Variants in CSF1 observed in about 807,000 individuals in gnomAD.
CSF1 encodes the protein colony stimulating factor 1, also known as macrophage colony-stimulating factor 1.
Under a neutral mutation model 48.9 loss-of-function variants are expected in CSF1, and 9 were observed. The ratio of observed to expected loss-of-function variants is 0.18; its 90% CI spans 0.11 to 0.32. CSF1 has a LOEUF of 0.32. CSF1 is among the 10% of genes least tolerant of loss of function. The pLI is 1.00. For missense variants in CSF1, 672 were observed against 697.9 expected, an observed-to-expected ratio of 0.96 and a Z score of 0.42; for synonymous variants, 305 against 284.1, an observed-to-expected ratio of 1.07 and a Z score of -0.74.
upstream of CSF1, chr1:109,910,682 G>A (rs1654636623): frequency 3.0e-6 from 1 of 334,958 alleles, no homozygotes; most frequent in African/African-American, 2.2e-5. Flanking sequence ...GGGTGGGGGA[G>A]GGGAGGCGGG....
chr1:109,916,615 T>C (rs1007071288), intron 3 of CSF1, among the ~76,000 whole-genome samples: 9 of 152,346 alleles, frequency 5.9e-5, no homozygotes, highest in Admixed American at 5.2e-4. Flanking sequence ...ACTGCCTTGA[T>C]ACCCAGAAGT....
chr1:109,921,300 G>A (rs1647525421), intron 4 of CSF1, among the ~76,000 whole-genome samples: 2 of 152,208 alleles, frequency 1.3e-5, no homozygotes, highest in South Asian at 4.1e-4. Flanking sequence ...AGCCACACCA[G>A]CCTTCTTTTA....
At position 109,924,000 on chromosome 1, in the gene CSF1, C is replaced by A; in HGVS notation, c.1379C>A (p.Ala460Glu). Residue 460 changes from alanine to glutamate, a missense_variant, in exon 6 of 9, where the codon GCA becomes GAA. Physicochemically the swap from Ala to Glu is moderately radical, Grantham distance 107. Coordinates refer to ENST00000329608, the MANE Select transcript of CSF1 (RefSeq NM_000757.6). Reference sequence around the variant, plus strand: ...CCCGCAGAGCCAGAAGGAGGACCAGCAAGTGAAGGGGCAGCCAGGCCCCTG... The same window carrying A: ...CCCGCAGAGCCAGAAGGAGGACCAGAAAGTGAAGGGGCAGCCAGGCCCCTG... ...RSPAEPEGGP[A>E]SEGAARPLPR... is the part of the protein sequence containing the mutation. 1 of 1,614,216 alleles carries A rather than the reference C, an allele frequency of 6.2e-7. No homozygotes were observed. The highest frequency in any genetic ancestry group is 8.5e-7 in the Non-Finnish European group (1 of 1,180,040).
intron 1 of CSF1, among the ~76,000 whole-genome samples, chr1:109,913,446 G>A (rs571409330): frequency 6.6e-6 from 1 of 152,336 alleles, no homozygotes; most frequent in South Asian, 2.1e-4. Context: ...GAAGGAAGGG[G>A]AAAGACAGGG....
At chr1:109,917,868 C>T (rs1009165234) in intron 4 of CSF1, among the ~76,000 whole-genome samples, 8 of 152,220 alleles carry the variant, frequency 5.3e-5, no homozygotes, top group African/African-American at 1.7e-4. Context: ...CAAAAATCCC[C>T]ACATTCCTGG....
rs1360748508 is a variant in CSF1, at chr1:109,923,595, C to T, written c.974C>T (p.Pro325Leu). ...IPVPQGTELS[P>L]SRPGGGSMQT... Reference sequence around the variant, plus strand: ...GTACCCCAAGGGACAGAGCTTTCCCCCTCCAGGCCAGGAGGGGGCAGCATG... The same window carrying T: ...GTACCCCAAGGGACAGAGCTTTCCCTCTCCAGGCCAGGAGGGGGCAGCATG... The change falls in exon 6 of 9, where the codon CCC (proline) becomes CTC (leucine). Residue 325 changes from proline to leucine, a missense_variant. Physicochemically the swap from Pro to Leu is moderately conservative, Grantham distance 98 (BLOSUM62 -3). Coordinates refer to ENST00000329608, the MANE Select transcript of CSF1 (RefSeq NM_000757.6). The T allele has an allele frequency of 8.1e-6, 13 of 1,614,072 alleles. No homozygotes were observed. The highest frequency in any genetic ancestry group is 1.1e-5 in the Non-Finnish European group (13 of 1,180,034).
At position 109,923,772 on chromosome 1, in the gene CSF1, C is replaced by T. The variant is rs1045404870; in HGVS notation, c.1151C>T (p.Pro384Leu). The T allele has an allele frequency of 6.2e-7, 1 of 1,608,412 alleles. No individual in the cohort carries two copies. The highest frequency in any genetic ancestry group is 8.5e-7 in the Non-Finnish European group (1 of 1,177,194). The change falls in exon 6 of 9, where the codon CCC becomes CTC. Residue 384 changes from proline (P) to leucine (L), a missense_variant. Transcript: ENST00000329608. ...ACTGGCCAGGACTGGAATCACACCC[C>T]CCAGAAGACAGACCATCCATCTGCC... ...RPTGQDWNHT[P>L]QKTDHPSALL... is the part of the protein sequence containing the mutation.
At chr1:109,916,172 C>A (rs1654892636) in intron 3 of CSF1, among the ~76,000 whole-genome samples, 1 of 152,172 alleles carries the variant, frequency 6.6e-6, no homozygotes, top group Admixed American at 6.5e-5. Context: ...TTGCCCCACA[C>A]CCAACCAGCC....
At position 109,921,994 on chromosome 1, in the gene CSF1, G is replaced by A; in HGVS notation, c.544G>A (p.Asp182Asn). 6.3e-7 allele frequency: 1 copy of A among 1,593,496 alleles called. No homozygotes were observed. The highest frequency in any genetic ancestry group is 8.6e-7 in the Non-Finnish European group (1 of 1,166,724). The change falls in exon 5 of 9, where the codon GAT (aspartate) becomes AAT (asparagine). Residue 182 changes from aspartate to asparagine, a missense_variant and splice_region_variant. This residue lies in a region of CSF1 where 591 missense variants were observed against 593.6 expected (regional missense o/e 1.00). Coordinates refer to ENST00000329608, the MANE Select transcript of CSF1 (RefSeq NM_000757.6). ...CAGCTTTGCTGAATGCTCCAGCCAA[G>A]GTAAGCATGGCAGGGGCCAGCAAGT... ...NNSFAECSSQDVVTKPDCNCL... is the reference protein window; with the variant it reads ...NNSFAECSSQNVVTKPDCNCL...
Position 109,910,977 on chromosome 1 carries a change from A to G in CSF1, c.-47A>G. ...CTCCGCAGCAGCCAGCGAGCGAGCG[A>G]GCGAGCGAGGGCGGCCGACGCGCCC... On this transcript the variant is annotated 5_prime_UTR_variant, in exon 1 of 9. Transcript: ENST00000329608. 1 of 1,088,872 alleles carries G rather than the reference A, an allele frequency of 9.2e-7. No individual in the cohort carries two copies. Among genetic ancestry groups the G allele is most frequent in the Non-Finnish European group, 1.1e-6 (1 of 899,114 alleles). The allele number at this position is 1,088,872 out of a possible 1,614,324, so 67.5% of individuals were successfully genotyped here. A position where few individuals can be genotyped will look rare whatever the true frequency, so the allele number is the denominator to read the frequency against.
Position 109,923,993 on chromosome 1 carries a change from G to A in CSF1, c.1372G>A (p.Gly458Arg). 3.7e-6 allele frequency: 6 copies of A among 1,614,238 alleles called. No individual in the cohort carries two copies. Among genetic ancestry groups the A allele is most frequent in the Non-Finnish European group, 5.1e-6 (6 of 1,180,036 alleles). The change falls in exon 6 of 9, where the codon GGA becomes AGA. Residue 458 changes from glycine to arginine, a missense_variant. By Grantham distance (125) the Gly-to-Arg change is moderately radical (BLOSUM62 -2). Coordinates refer to ENST00000329608, the MANE Select transcript of CSF1 (RefSeq NM_000757.6). ...DRRSPAEPEG[G>R]PASEGAARPL... ...GAGGAGCCCCGCAGAGCCAGAAGGAGGACCAGCAAGTGAAGGGGCAGCCAG... is the reference window on the plus strand; with the variant it reads ...GAGGAGCCCCGCAGAGCCAGAAGGAAGACCAGCAAGTGAAGGGGCAGCCAG...
At chr1:109,911,860 GC>G (rs1439912711) in intron 1 of CSF1, among the ~76,000 whole-genome samples, 5 of 152,218 alleles carry the variant, frequency 3.3e-5, no homozygotes, top group African/African-American at 9.6e-5. Flanking sequence ...GCTCCTGACT[GC>G]GTAAGGGACG....
intron 4 of CSF1, among the ~76,000 whole-genome samples, chr1:109,921,561 C>A (rs559153168): frequency 3.9e-5 from 6 of 152,318 alleles, no homozygotes; most frequent in African/African-American, 1.4e-4. Context: ...GATTGCTGGA[C>A]TCAGTGTCCA....
intron 4 of CSF1, among the ~76,000 whole-genome samples, chr1:109,919,528 C>T (rs150407523): frequency 9.2e-5 from 14 of 152,250 alleles, no homozygotes; most frequent in African/African-American, 3.4e-4. Flanking sequence ...TGTGCCTGGC[C>T]AGGAAAACAT....
In CSF1 at chr1:109,924,930, TG is replaced by T. The variant is rs1647771201; in HGVS notation, c.1622+104del. The T allele has an allele frequency of 1.0e-5, 13 of 1,239,666 alleles. 1 individual carries two copies. In the South Asian group the frequency reaches 1.6e-4, roughly 16 times the overall value. The allele number at this position is 1,239,666 out of a possible 1,614,324, so 76.8% of individuals were successfully genotyped here. ...GGCTCTCCTGCTTGCTCTGAGGAAA[TG>T]GAGCTGCAGAACAGGATGGGGGAGA... On this transcript the variant is annotated intron_variant, in intron 7 of 8. Transcript: ENST00000329608.
intron 8 of CSF1, among the ~76,000 whole-genome samples, chr1:109,927,282 T>C (rs1028073406): frequency 6.6e-6 from 1 of 152,186 alleles, no homozygotes; most frequent in Non-Finnish European, 1.5e-5. Context: ...TCTAGAGAGA[T>C]AGGGAATTTG....
At chr1:109,915,474 ATCT>A (rs1349579481) in intron 2 of CSF1, among the ~76,000 whole-genome samples, 157 bp from the exon 3 acceptor site, 6 of 152,170 alleles carry the variant, frequency 3.9e-5, no homozygotes, top group Non-Finnish European at 8.8e-5. Flanking sequence ...GAAGGCACTG[ATCT>A]TCTCCTAGAC....
chr1:109,919,839 A>G (rs1647442007), intron 4 of CSF1, among the ~76,000 whole-genome samples: 1 of 152,094 alleles, frequency 6.6e-6, no homozygotes, highest in African/African-American at 2.4e-5. Context: ...CATGCCTGTA[A>G]TCCAAGCTAC....
At chr1:109,927,843 C>A (rs916285796) in intron 8 of CSF1, among the ~76,000 whole-genome samples, 2 of 152,234 alleles carry the variant, frequency 1.3e-5, no homozygotes, top group East Asian at 1.9e-4. Flanking sequence ...GACACCAGCA[C>A]CTCAGCCCTA....
Sources: allele counts gnomAD v4.1 joint callset (sites outside exome capture counted in the v4.1 genomes callset), GRCh38; gene constraint gnomAD v4.1.1; regional missense constraint gnomAD v4.1.1; transcripts MANE v1.5; gene names NCBI Gene and HGNC (gene_info 2026-07-23, HGNC 2026-07-21).